LMO7: variants seen among roughly 807,000 people sequenced by gnomAD.
The protein encoded by LMO7 is LIM domain only protein 7.
Under a neutral mutation model 206.5 loss-of-function variants are expected in LMO7, and 120 were observed. The observed-to-expected ratio is 0.58, with a 90% CI of 0.50 to 0.68. The LOEUF is 0.68. Ranked by LOEUF, LMO7 falls within the 30% of genes least tolerant of loss-of-function variation. The pLI, the probability that LMO7 is intolerant of heterozygous loss-of-function variation, is 0.00. For synonymous variants in LMO7, 706 were observed against 681.5 expected, an observed-to-expected ratio of 1.04 and a Z score of -0.56; for missense variants, 1,959 against 1,957.9, an observed-to-expected ratio of 1.00 and a Z score of -0.01.
At chr13:75,744,763 A>G (rs180769164) in intron 3 of LMO7, among the ~76,000 whole-genome samples, 1 of 152,294 alleles carries the variant, frequency 6.6e-6, no homozygotes, top group Admixed American at 6.5e-5. Flanking sequence ...ACAGCTATAA[A>G]CAAGGCAGAG....
chr13:75,638,071 T>C (rs907008013), intron 1 of LMO7, among the ~76,000 whole-genome samples: 5 of 152,228 alleles, frequency 3.3e-5, no homozygotes, highest in Non-Finnish European at 7.3e-5. Context: ...ACTGTAATTT[T>C]CCATTAGCAG....
At chr13:75,855,831 A>T (rs991728243) in intron 29 of LMO7, among the ~76,000 whole-genome samples, 1 of 152,240 alleles carries the variant, frequency 6.6e-6, no homozygotes, top group Admixed American at 6.5e-5. Context: ...GTTTTCACAC[A>T]TAAGAAGGAA....
chr13:75,785,066 GA>G (rs1362611464), intron 4 of LMO7, among the ~76,000 whole-genome samples: 1 of 152,032 alleles, frequency 6.6e-6, no homozygotes, highest in East Asian at 1.9e-4. Context: ...AATTTTGTCA[GA>G]AAAAATGGCA....
chr13:75,847,295 C>T (rs186284368), intron 26 of LMO7, among the ~76,000 whole-genome samples: 1 of 152,218 alleles, frequency 6.6e-6, no homozygotes, highest in African/African-American at 2.4e-5. Context: ...GGTGTTTTAC[C>T]CCAATCAGAA....
At chr13:75,631,131 A>G (rs905795113) in intron 2 of LMO7, 5 of 152,114 alleles carry the variant, frequency 3.3e-5, no homozygotes, top group African/African-American at 7.2e-5. Flanking sequence ...GGTTCAAGCA[A>G]TTCTTAGGCC....
chr13:75,681,683 G>A (rs1247269697), intron 1 of LMO7, among the ~76,000 whole-genome samples: 1 of 121,620 alleles, frequency 8.2e-6, no homozygotes, highest in African/African-American at 2.9e-5. Context: ...TTTGGGGAAT[G>A]TCATGTATGT....
At chr13:75,769,469 T>TAA (rs1368345980) in intron 4 of LMO7, among the ~76,000 whole-genome samples, 5 of 151,796 alleles carry the variant, frequency 3.3e-5, no homozygotes, top group African/African-American at 1.2e-4. Flanking sequence ...AGAATTACTG[T>TAA]AAAACTTTTA....
chr13:75,785,564 T>G (rs761135780), intron 4 of LMO7, among the ~76,000 whole-genome samples: 21 of 152,186 alleles, frequency 1.4e-4, no homozygotes, highest in Non-Finnish European at 2.8e-4. Flanking sequence ...TCCTTAAGAT[T>G]TTTAAACTGT....
intron 6 of LMO7, 97 bp from the exon 7 acceptor site, chr13:75,800,587 C>A (rs2054605126): frequency 8.9e-7 from 1 of 1,123,870 alleles, no homozygotes; most frequent in Admixed American, 2.1e-5. Context: ...CAAATAAAAC[C>A]CAACTTAAAT....
chr13:75,795,201 A>G (rs2053821935), intron 4 of LMO7, among the ~76,000 whole-genome samples, 200 bp from the exon 5 acceptor site: 1 of 152,232 alleles, frequency 6.6e-6, no homozygotes, highest in Admixed American at 6.5e-5. Context: ...AATACAGAAA[A>G]TCAATGCATT....
At chr13:75,736,665 A>G (rs954121379) in intron 3 of LMO7, among the ~76,000 whole-genome samples, 4 of 152,252 alleles carry the variant, frequency 2.6e-5, no homozygotes, top group Non-Finnish European at 5.9e-5. Flanking sequence ...GCAAGAAAGC[A>G]TCACGTAATA....
intron 1 of LMO7, among the ~76,000 whole-genome samples, chr13:75,688,044 T>C (rs779881079): frequency 6.6e-6 from 1 of 152,202 alleles, no homozygotes; most frequent in Non-Finnish European, 1.5e-5. Flanking sequence ...TTCTCTTGCC[T>C]GCCGCCACGT....
At chr13:75,632,811 G>C (rs914865692), upstream of LMO7, among the ~76,000 whole-genome samples, 2 of 147,224 alleles carry the variant, frequency 1.4e-5, no homozygotes, top group African/African-American at 5.0e-5. Context: ...TTAAAATTTT[G>C]TGTCACTTAT....
intron 1 of LMO7, among the ~76,000 whole-genome samples, chr13:75,694,371 A>C (rs561401678): frequency 6.6e-6 from 1 of 152,340 alleles, no homozygotes; most frequent in East Asian, 1.9e-4. Context: ...GAAGGGGCGA[A>C]GGGGCTCGAA....
intron 22 of LMO7, 31 bp downstream of exon 22, chr13:75,840,526 C>G (rs746427431): frequency 1.2e-6 from 2 of 1,607,832 alleles, no homozygotes; most frequent in Non-Finnish European, 8.5e-7. Context: ...CGGGTAGAAA[C>G]TAGGTTGGAT....
At chr13:75,850,964 C>T (rs1343711927) in intron 27 of LMO7, among the ~76,000 whole-genome samples, 3 of 152,180 alleles carry the variant, frequency 2.0e-5, no homozygotes, top group African/African-American at 7.2e-5. Flanking sequence ...CTGTGTTCTG[C>T]ATATGGGCCT....
chr13:75,819,547 G>T lies in LMO7; in HGVS notation c.2207+12G>T. ...ATGCTGCAGGACAGGTAATAATGCTGAATGCACCTCGGTTGTAACAGGGTT... is the reference window on the plus strand; with the variant it reads ...ATGCTGCAGGACAGGTAATAATGCTTAATGCACCTCGGTTGTAACAGGGTT... On this transcript the variant is annotated intron_variant, in intron 13 of 30. Coordinates refer to ENST00000377534, the MANE Select transcript of LMO7 (RefSeq NM_001306080.2). 6.4e-7 allele frequency: 1 copy of T among 1,566,248 alleles called. No homozygotes were observed. Among genetic ancestry groups the T allele is most frequent in the Non-Finnish European group, 8.6e-7 (1 of 1,163,214 alleles).
upstream of LMO7, chr13:75,636,240 C>G: frequency 1.0e-6 from 1 of 963,988 alleles, no homozygotes; most frequent in Non-Finnish European, 1.2e-6. Flanking sequence ...ACGGAAGCGG[C>G]GACTCGGCGG....
chr13:75,822,723 A>C (rs768555651), intron 14 of LMO7, among the ~76,000 whole-genome samples: 5 of 146,180 alleles, frequency 3.4e-5, no homozygotes, highest in Non-Finnish European at 7.5e-5. Context: ...TTCCTCATAC[A>C]TTACTTCGGC....
Sources: allele counts gnomAD v4.1 joint callset (sites outside exome capture counted in the v4.1 genomes callset), GRCh38; gene constraint gnomAD v4.1.1; transcripts MANE v1.5; gene names NCBI Gene and HGNC (gene_info 2026-07-23, HGNC 2026-07-21).